Variants in FSTL4 observed in about 807,000 individuals in gnomAD.
The protein encoded by FSTL4 is follistatin-related protein 4.
Under a neutral mutation model 78.2 loss-of-function variants are expected in FSTL4, and 28 were observed. The ratio of observed to expected loss-of-function variants is 0.36; its 90% CI spans 0.27 to 0.49. The LOEUF (loss-of-function observed/expected upper bound fraction) is 0.49, where lower values mean the gene tolerates loss of function less well. Ranked by LOEUF, FSTL4 falls within the 20% of genes least tolerant of loss-of-function variation. The probability of loss-of-function intolerance (pLI) is 0.98; values close to 1 mark genes in which losing one functional copy is unlikely to be tolerated. For missense variants in FSTL4, 922 were observed against 1,084.9 expected (o/e 0.85, Z 2.11); for synonymous variants, 422 against 440.5 (o/e 0.96, Z 0.53).
chr5:133,441,674 G>T (rs941115600), intron 3 of FSTL4, among the ~76,000 whole-genome samples: 17 of 152,328 alleles, frequency 1.1e-4, no homozygotes, highest in African/African-American at 4.1e-4. Flanking sequence ...ATGGCTGGTG[G>T]CAAGGTCAGG....
intron 11 of FSTL4, among the ~76,000 whole-genome samples, chr5:133,222,252 T>G (rs1158922717): frequency 6.6e-6 from 1 of 151,784 alleles, no homozygotes; most frequent in Non-Finnish European, 1.5e-5. Context: ...CCAGCATAGC[T>G]CTCCATAAGC....
chr5:133,676,058 G>A, the FSTL4 span, among the ~76,000 whole-genome samples: 7 of 152,170 alleles, frequency 4.6e-5, no homozygotes, highest in African/African-American at 1.7e-4. Context: ...ACCCTCAGAC[G>A]TATGAATGAA....
the FSTL4 span, among the ~76,000 whole-genome samples, chr5:133,670,578 G>A: frequency 2.6e-5 from 4 of 152,240 alleles, no homozygotes; most frequent in South Asian, 6.2e-4. Context: ...TTATTATGGA[G>A]TAGTAACTAA....
chr5:133,484,524 A>G (rs1477899412), intron 3 of FSTL4, among the ~76,000 whole-genome samples: 1 of 152,230 alleles, frequency 6.6e-6, no homozygotes. Flanking sequence ...TCAAAGAGAA[A>G]TATGCTATTC....
chr5:133,620,044 G>A, the FSTL4 span, among the ~76,000 whole-genome samples: 4 of 152,202 alleles, frequency 2.6e-5, no homozygotes, highest in African/African-American at 9.6e-5. Flanking sequence ...ATGAAATAAA[G>A]CATCATTGTC....
chr5:133,575,784 T>G (rs1190261347), intron 2 of FSTL4, among the ~76,000 whole-genome samples: 1 of 152,236 alleles, frequency 6.6e-6, no homozygotes, highest in Admixed American at 6.5e-5. Flanking sequence ...TAAATGAGAC[T>G]TAGTGCATGG....
chr5:133,284,779 C>T (rs775569284), intron 6 of FSTL4, among the ~76,000 whole-genome samples: 11 of 152,178 alleles, frequency 7.2e-5, no homozygotes, highest in Admixed American at 2.0e-4. Context: ...AGAGGATGCT[C>T]GGTGTCAGAT....
the FSTL4 span, among the ~76,000 whole-genome samples, chr5:133,711,276 T>G: frequency 3.8e-3 from 579 of 152,290 alleles, 8 homozygotes; most frequent in African/African-American, 0.014. Context: ...ATTGGGCAGT[T>G]TCTAATACAC....
At chr5:133,265,171 C>T (rs1033885386) in intron 6 of FSTL4, among the ~76,000 whole-genome samples, 11 of 152,074 alleles carry the variant, frequency 7.2e-5, no homozygotes, top group African/African-American at 2.4e-4. Context: ...CACATCATCT[C>T]GGAGGGAGCG....
chr5:133,278,011 A>G (rs1752926175), intron 6 of FSTL4, among the ~76,000 whole-genome samples: 1 of 152,146 alleles, frequency 6.6e-6, no homozygotes, highest in African/African-American at 2.4e-5. Context: ...GGCCCTCACC[A>G]CAATAGCAGG....
intron 3 of FSTL4, among the ~76,000 whole-genome samples, chr5:133,552,218 A>C (rs1759702396): frequency 2.0e-5 from 3 of 152,220 alleles, no homozygotes; most frequent in African/African-American, 4.8e-5. Flanking sequence ...TCTATACCTT[A>C]GTACAAAACA....
chr5:133,482,374 C>A (rs1416716392), intron 3 of FSTL4, among the ~76,000 whole-genome samples: 1 of 152,232 alleles, frequency 6.6e-6, no homozygotes, highest in Non-Finnish European at 1.5e-5. Context: ...ATAGGAGAAT[C>A]TGTTAAAAAT....
chr5:133,642,229 C>T, the FSTL4 span, among the ~76,000 whole-genome samples: 1 of 152,164 alleles, frequency 6.6e-6, no homozygotes, highest in Non-Finnish European at 1.5e-5. Flanking sequence ...ACAAGGCTAG[C>T]TTCTGAGATA....
At chr5:133,345,560 T>C (rs1754679685) in intron 4 of FSTL4, among the ~76,000 whole-genome samples, 1 of 152,220 alleles carries the variant, frequency 6.6e-6, no homozygotes, top group African/African-American at 2.4e-5. Flanking sequence ...TTTTAGGTTT[T>C]ACATTTAAGT....
chr5:133,279,259 C>T (rs1435601287), intron 6 of FSTL4, among the ~76,000 whole-genome samples: 2 of 152,200 alleles, frequency 1.3e-5, no homozygotes, highest in Non-Finnish European at 2.9e-5. Context: ...GTCAGATCAG[C>T]AGCAGCGTTA....
rs1011619966 is a variant in FSTL4 at position 133,351,865 on chromosome 5, C to T, written c.410-35213G>A. Among the ~76,000 whole-genome samples, 3 of 152,132 alleles carry T rather than the reference C, an allele frequency of 2.0e-5. No homozygotes were observed. The East Asian group carries it at 5.8e-4, about 29-fold the overall frequency. On this transcript the variant is annotated intron_variant, in intron 4 of 15. Transcript: ENST00000265342. ...TCAGGTGATCCACCCACCTTGGACT[C>T]CCAAAGTGCTGAGATTACAGGTGTA...
the FSTL4 span, among the ~76,000 whole-genome samples, chr5:133,761,023 A>C: frequency 6.6e-6 from 1 of 152,222 alleles, no homozygotes; most frequent in African/African-American, 2.4e-5. Flanking sequence ...GTTAGAGCTA[A>C]GCCGTAATTG....
the FSTL4 span, among the ~76,000 whole-genome samples, chr5:133,652,025 T>C: frequency 6.6e-6 from 1 of 152,236 alleles, no homozygotes; most frequent in Admixed American, 6.5e-5. Flanking sequence ...ATCTAGGTTA[T>C]CAAATTTGTG....
At chr5:133,470,006 G>A (rs1228908492) in intron 3 of FSTL4, among the ~76,000 whole-genome samples, 1 of 152,020 alleles carries the variant, frequency 6.6e-6, no homozygotes, top group Non-Finnish European at 1.5e-5. Flanking sequence ...AGAGAACCAC[G>A]GTGGTTCCTG....
Sources: gnomAD v4.1 joint callset for allele counts (sites outside exome capture counted in the v4.1 genomes callset) on GRCh38, gnomAD v4.1.1 for gene constraint, MANE v1.5 for transcripts, NCBI Gene and HGNC (gene_info 2026-07-23, HGNC 2026-07-21) for gene names.